The following PTPN14 variants were observed in gnomAD, a reference collection of about 807,000 sequenced individuals.
PTPN14 encodes the protein protein tyrosine phosphatase non-receptor type 14, also known as tyrosine-protein phosphatase non-receptor type 14.
PTPN14 carries 53 observed loss-of-function variants against 126.8 expected under a neutral mutation model. The observed-to-expected ratio is 0.42, with a 90% CI of 0.34 to 0.53. The LOEUF (loss-of-function observed/expected upper bound fraction) is 0.53, where lower values mean the gene tolerates loss of function less well. PTPN14 is among the 20% of genes least tolerant of loss of function. PTPN14 has a pLI of 0.08. For missense variants in PTPN14, 1,257 were observed against 1,552.9 expected, an observed-to-expected ratio of 0.81 and a Z score of 3.20; for synonymous variants, 630 against 599.3, an observed-to-expected ratio of 1.05 and a Z score of -0.75.
Position 214,357,557 on chromosome 1 carries a change from G to C in PTPN14, c.*365C>G, listed in dbSNP as rs1657852190. ...AATTTCAGGGTTGGTTACAAATCTG[G>C]CTGCAACTTCACAAGAGATGTGCTC... On this transcript the variant is annotated 3_prime_UTR_variant, in exon 19 of 19. Coordinates refer to ENST00000366956, the MANE Select transcript of PTPN14 (RefSeq NM_005401.5). The C allele has an allele frequency of 6.4e-6, 1 of 157,454 alleles. No homozygotes were observed. The highest frequency in any genetic ancestry group is 1.4e-5 in the Non-Finnish European group (1 of 71,788). 9.8% of individuals were successfully genotyped at this position (157,454 alleles called of 1,614,324 possible).
intron 4 of PTPN14, among the ~76,000 whole-genome samples, chr1:214,413,831 G>C (rs776318375): frequency 3.9e-5 from 6 of 152,050 alleles, no homozygotes; most frequent in Non-Finnish European, 7.4e-5. Flanking sequence ...ACCATGCTTG[G>C]CTAATTCTTG....
At chr1:214,368,417 TCTCAAACTC>T (rs1357183934) in intron 17 of PTPN14, among the ~76,000 whole-genome samples, 3 of 152,076 alleles carry the variant, frequency 2.0e-5, no homozygotes, top group African/African-American at 7.2e-5. Flanking sequence ...GCCACGCTGG[TCTCAAACTC>T]CTCACCTCGG....
At chr1:214,491,621 C>G (rs1661254068) in intron 1 of PTPN14, among the ~76,000 whole-genome samples, 1 of 152,176 alleles carries the variant, frequency 6.6e-6, no homozygotes, top group Non-Finnish European at 1.5e-5. Flanking sequence ...TCAGGCAGTA[C>G]TCACCTCCTC....
intron 5 of PTPN14, among the ~76,000 whole-genome samples, chr1:214,405,536 TTTAA>T (rs1490430691): frequency 6.6e-6 from 1 of 151,948 alleles, no homozygotes; most frequent in Non-Finnish European, 1.5e-5. Flanking sequence ...CAAACAAAAG[TTTAA>T]TTACACAGAG....
In PTPN14 at chr1:214,364,287, C is replaced by A. The variant is rs1658022850; in HGVS notation, c.3435+225G>T. Among the ~76,000 whole-genome samples, 1 of 151,792 alleles carries A rather than the reference C, an allele frequency of 6.6e-6. No homozygotes were observed. Among genetic ancestry groups the A allele is most frequent in the African/African-American group, 2.4e-5 (1 of 41,316 alleles). On this transcript the variant is annotated intron_variant, in intron 18 of 18. Coordinates refer to ENST00000366956, the MANE Select transcript of PTPN14 (RefSeq NM_005401.5). This position sits in a 1 kb window ranked among gnomAD's most constrained non-coding sequence, Gnocchi z 4.1. ...CTAAGTGTTTTCTATTGCACACCCT[C>A]ATTTCTCCTGTTTTATCTGGGTATC...
At chr1:214,506,694 A>C (rs1654853183) in intron 1 of PTPN14, among the ~76,000 whole-genome samples, 1 of 152,208 alleles carries the variant, frequency 6.6e-6, no homozygotes, top group Non-Finnish European at 1.5e-5. Flanking sequence ...CCAGGGATAC[A>C]GGTGGCTCTC....
At chr1:214,457,131 G>A (rs539004031) in intron 2 of PTPN14, among the ~76,000 whole-genome samples, 2 of 152,264 alleles carry the variant, frequency 1.3e-5, no homozygotes, top group African/African-American at 4.8e-5. Flanking sequence ...AATAGGAAAT[G>A]CATGTTAAGT....
At chr1:214,452,359 C>A (rs1212961840) in intron 2 of PTPN14, among the ~76,000 whole-genome samples, 1 of 152,252 alleles carries the variant, frequency 6.6e-6, no homozygotes, top group Non-Finnish European at 1.5e-5. Flanking sequence ...AAGACCAACA[C>A]CGCTCCTGCA....
At chr1:214,498,665 G>A (rs574639350) in intron 1 of PTPN14, among the ~76,000 whole-genome samples, 1 of 152,080 alleles carries the variant, frequency 6.6e-6, no homozygotes, top group Non-Finnish European at 1.5e-5. Context: ...ACAAGAAAAT[G>A]TGTTCAAAGC....
At chr1:214,471,631 G>C (rs1157331484) in intron 1 of PTPN14, among the ~76,000 whole-genome samples, 3 of 152,156 alleles carry the variant, frequency 2.0e-5, no homozygotes, top group Non-Finnish European at 4.4e-5. Flanking sequence ...TAAAAATGAA[G>C]GTGGGGGGTG....
intron 1 of PTPN14, among the ~76,000 whole-genome samples, chr1:214,490,493 T>C (rs1661204978): frequency 6.6e-6 from 1 of 152,130 alleles, no homozygotes; most frequent in Non-Finnish European, 1.5e-5. Flanking sequence ...TCATTGTGTA[T>C]GCATAAATGA....
At chr1:214,389,877 A>G (rs935722582) in intron 11 of PTPN14, among the ~76,000 whole-genome samples, 2 of 152,238 alleles carry the variant, frequency 1.3e-5, no homozygotes, top group Non-Finnish European at 2.9e-5. Flanking sequence ...GGAAAGCCCA[A>G]CGTATCTGTT....
chr1:214,378,533 G>C (rs1281659124), intron 13 of PTPN14, among the ~76,000 whole-genome samples: 1 of 150,346 alleles, frequency 6.7e-6, no homozygotes, highest in African/African-American at 2.5e-5. Flanking sequence ...AGCAAAACTT[G>C]TAAAACAGTT....
intron 3 of PTPN14, among the ~76,000 whole-genome samples, chr1:214,436,657 G>A (rs994176785): frequency 5.3e-5 from 8 of 151,876 alleles, no homozygotes; most frequent in Non-Finnish European, 1.2e-4. Context: ...CATGGTGGTG[G>A]GCGCCTGTAA....
At chr1:214,533,010 C>G in intron 1 of PTPN14, 1 of 755,312 alleles carries the variant, frequency 1.3e-6, no homozygotes, top group Non-Finnish European at 2.4e-6. Flanking sequence ...CTGAGGAGAG[C>G]ACCACAGTGG....
chr1:214,449,453 C>T (rs1055898231), intron 3 of PTPN14, among the ~76,000 whole-genome samples: 3 of 152,172 alleles, frequency 2.0e-5, no homozygotes, highest in African/African-American at 4.8e-5. Flanking sequence ...ATTTTTCTTA[C>T]AGACAGAACT....
chr1:214,469,384 G>A (rs963315217), intron 1 of PTPN14, among the ~76,000 whole-genome samples: 1 of 152,214 alleles, frequency 6.6e-6, no homozygotes, highest in Middle Eastern at 3.4e-3. Context: ...ATTAGAGCAG[G>A]GAGCAAAATA....
chr1:214,475,232 G>C (rs1660843477), intron 1 of PTPN14, among the ~76,000 whole-genome samples: 1 of 152,004 alleles, frequency 6.6e-6, no homozygotes, highest in Non-Finnish European at 1.5e-5. Flanking sequence ...CACTAAAAAG[G>C]GTCAGAATTT....
At chr1:214,484,888 T>C (rs1302711411) in intron 1 of PTPN14, among the ~76,000 whole-genome samples, 2 of 152,212 alleles carry the variant, frequency 1.3e-5, no homozygotes, top group African/African-American at 2.4e-5. Flanking sequence ...TGTGGAAAGT[T>C]ATACAAGAGG....
Sources: gnomAD v4.1 joint callset for allele counts (sites outside exome capture counted in the v4.1 genomes callset) on GRCh38, gnomAD v4.1.1 for gene constraint, Gnocchi (gnomAD v3.1) non-coding constraint, MANE v1.5 for transcripts, NCBI Gene and HGNC (gene_info 2026-07-23, HGNC 2026-07-21) for gene names.